The following MYO5C variants were observed in gnomAD, a reference collection of about 807,000 sequenced individuals.
MYO5C encodes the protein unconventional myosin-Vc.
In MYO5C, 194 loss-of-function variants were observed where a neutral mutation model predicts 235.7. The observed-to-expected ratio is 0.82, with a 90% CI of 0.73 to 0.93. The LOEUF (loss-of-function observed/expected upper bound fraction) is 0.93. Ranked by LOEUF, MYO5C falls within the 40% of genes least tolerant of loss-of-function variation. The pLI, the probability that MYO5C is intolerant of heterozygous loss-of-function variation, is 0.00. For missense variants in MYO5C, 2,038 were observed against 2,127.2 expected (o/e 0.96, Z 0.82); for synonymous variants, 707 against 754.8 (o/e 0.94, Z 1.04).
intron 25 of MYO5C, among the ~76,000 whole-genome samples, chr15:52,228,041 T>C (rs1473516607): frequency 6.6e-6 from 1 of 152,244 alleles, no homozygotes; most frequent in Admixed American, 6.5e-5. Flanking sequence ...GCCTTGATTG[T>C]CCAAGCATGG....
chr15:52,250,733 A>C (rs947260496), intron 13 of MYO5C, among the ~76,000 whole-genome samples: 1 of 152,226 alleles, frequency 6.6e-6, no homozygotes, highest in African/African-American at 2.4e-5. Context: ...GGGCTAGGCC[A>C]CCAAGGCAAC....
In MYO5C at chr15:52,219,786, C is replaced by T; in HGVS notation, c.3758G>A (p.Ser1253Asn). ...TCTTTGTGTTCCTTCCTCCTCTTGACTGCGATGTAACTGATTAGACAATTC... is the reference window on the plus strand; with the variant it reads ...TCTTTGTGTTCCTTCCTCCTCTTGATTGCGATGTAACTGATTAGACAATTC... ...LEELSNQLHRSQEEEGTQRKA... is the reference protein window; with the variant it reads ...LEELSNQLHRNQEEEGTQRKA... Residue 1253 changes from serine (S) to asparagine (N), a missense_variant, in exon 31 of 41, where the codon AGT becomes AAT. Physicochemically the swap from Ser to Asn is conservative, Grantham distance 46. Transcript: ENST00000261839. 6.2e-7 allele frequency: 1 copy of T among 1,612,730 alleles called. No homozygotes were observed. The highest frequency in any genetic ancestry group is 8.5e-7 in the Non-Finnish European group (1 of 1,179,126).
chr15:52,259,102 G>A (rs2036638583), intron 10 of MYO5C, among the ~76,000 whole-genome samples: 1 of 152,112 alleles, frequency 6.6e-6, no homozygotes. Context: ...ACAGTGCCTG[G>A]GACATAAACA....
rs750721054 is a variant in MYO5C at position 52,279,686 on chromosome 15, G to A, written c.139-12C>T. 1.9e-6 allele frequency: 3 copies of A among 1,596,852 alleles called. No individual in the cohort carries two copies. Among genetic ancestry groups the A allele is most frequent in the Non-Finnish European group, 2.6e-6 (3 of 1,166,424 alleles). On this transcript the variant is annotated splice_polypyrimidine_tract_variant and intron_variant, in intron 2 of 40. Transcript: ENST00000261839. Reference sequence around the variant, plus strand: ...GAATAATCCAGCTCCTATGGACAAAGATAAAAATTAAAGCTCTGGAAATAA... The same window carrying A: ...GAATAATCCAGCTCCTATGGACAAAAATAAAAATTAAAGCTCTGGAAATAA...
At chr15:52,268,892 A>G (rs1394216371) in intron 8 of MYO5C, among the ~76,000 whole-genome samples, 2 of 152,198 alleles carry the variant, frequency 1.3e-5, no homozygotes, top group Non-Finnish European at 2.9e-5. Flanking sequence ...TCAGTTGCCT[A>G]ATGTTGGGTA....
intron 13 of MYO5C, chr15:52,250,931 G>C (rs1433831462): frequency 6.6e-6 from 1 of 152,062 alleles, no homozygotes; most frequent in African/African-American, 2.4e-5. Flanking sequence ...AAAAGGAGAC[G>C]TATAAAGAAA....
chr15:52,243,189 G>A (rs935866635), intron 19 of MYO5C: 2 of 152,186 alleles, frequency 1.3e-5, no homozygotes, highest in Non-Finnish European at 2.9e-5. Flanking sequence ...TAGGAAACAC[G>A]GGCCTTAAAG....
chr15:52,217,180 G>A (rs1305710849), intron 32 of MYO5C, among the ~76,000 whole-genome samples: 2 of 152,188 alleles, frequency 1.3e-5, no homozygotes, highest in Non-Finnish European at 2.9e-5. Context: ...CTCTTGTTGT[G>A]TGTCCGTCTG....
At chr15:52,209,295 TAAAG>T (rs1264023900) in intron 35 of MYO5C, among the ~76,000 whole-genome samples, 2 of 152,122 alleles carry the variant, frequency 1.3e-5, no homozygotes, top group African/African-American at 2.4e-5. Flanking sequence ...GAATAAAAAG[TAAAG>T]AAACACCACT....
chr15:52,279,744 C>A, intron 2 of MYO5C, 70 bp from the exon 3 acceptor site: 1 of 1,457,696 alleles, frequency 6.9e-7, no homozygotes, highest in Non-Finnish European at 9.3e-7. Context: ...AAGCACTGTC[C>A]TTTGTCCTAT....
chr15:52,217,900 C>T (rs1410749439), intron 32 of MYO5C, among the ~76,000 whole-genome samples: 1 of 152,124 alleles, frequency 6.6e-6, no homozygotes. Flanking sequence ...GGTCCCAGCT[C>T]CTAGGAAAGT....
chr15:52,219,931 ATC>A, intron 30 of MYO5C, 109 bp from the exon 31 acceptor site: 1 of 752,350 alleles, frequency 1.3e-6, no homozygotes, highest in East Asian at 2.7e-5. Flanking sequence ...GGGGTGTCCG[ATC>A]TTTTGGCTTC....
intron 1 of MYO5C, among the ~76,000 whole-genome samples, chr15:52,283,182 G>A (rs942793965): frequency 5.3e-5 from 8 of 152,218 alleles, no homozygotes; most frequent in African/African-American, 1.7e-4. Context: ...AACATCTCAC[G>A]GCTGTCTACA....
chr15:52,225,484 T>C lies in MYO5C; in HGVS notation c.3256A>G (p.Ile1086Val), dbSNP rs1426689513. The change falls in exon 26 of 41, where the codon ATA becomes GTA. Residue 1086 changes from isoleucine (I) to valine (V), a missense_variant. Physicochemically the swap from Ile to Val is conservative, Grantham distance 29. Transcript: ENST00000261839. ...KEIELLQAQK[I>V]DVEKHVQSQK... ...GACTGCACATGTTTCTCCACATCTA[T>C]CTTCTGTGCCTGAAGTAGTTCTATC... The C allele has an allele frequency of 6.2e-7, 1 of 1,613,734 alleles. No homozygotes were observed. Among genetic ancestry groups the C allele is most frequent in the African/African-American group, 1.3e-5 (1 of 74,932 alleles).
Position 52,214,636 on chromosome 15 carries a change from G to A in MYO5C, c.4009C>T (p.Gln1337Ter). The A allele has an allele frequency of 6.2e-7, 1 of 1,608,276 alleles. No individual in the cohort carries two copies. Among genetic ancestry groups the A allele is most frequent in the Non-Finnish European group, 8.5e-7 (1 of 1,177,220 alleles). ...ATTGTCTTGCTTAGTGTCTTGACTTGATCTTGTAGCTTTTTAATCACTCTG... is the reference window on the plus strand; with the variant it reads ...ATTGTCTTGCTTAGTGTCTTGACTTAATCTTGTAGCTTTTTAATCACTCTG... ...KDRVIKKLQD[Q>*]VKTLSKTIGK... is the part of the protein sequence containing the mutation. Residue 1337 changes from glutamine to a stop codon, truncating the protein, a stop_gained, in exon 33 of 41, where the codon CAA becomes TAA. Transcript: ENST00000261839. LOFTEE classifies it high-confidence loss of function.
rs3751628 is a variant in MYO5C at position 52,275,864 on chromosome 15, T to C, written c.450-146A>G. On this transcript the variant is annotated intron_variant, in intron 4 of 40. Transcript: ENST00000261839. ...AAATCTCAATCAATTTCCTTCTAGA[T>C]TTTTTTTTCTATGTGATCGTGCAGA... 2,433 of 784,850 alleles carry C rather than the reference T, an allele frequency of 3.1e-3. 37 individuals are homozygous for C. Among genetic ancestry groups the C allele is most frequent in the East Asian group, 0.029 (1,069 of 36,710 alleles). 48.6% of individuals were successfully genotyped at this position (784,850 alleles called of 1,614,324 possible).
chr15:52,233,366 G>C (rs190502946), intron 23 of MYO5C, among the ~76,000 whole-genome samples: 1 of 152,090 alleles, frequency 6.6e-6, no homozygotes, highest in African/African-American at 2.4e-5. Flanking sequence ...TTTGTGACAA[G>C]GTTTCTCGGT....
Position 52,235,708 on chromosome 15 carries a change from A to G in MYO5C, c.2924T>C (p.Ile975Thr). Residue 975 changes from isoleucine to threonine, a missense_variant, in exon 23 of 41, where the codon ATA becomes ACA. Physicochemically the swap from Ile to Thr is moderately conservative, Grantham distance 89. Transcript: ENST00000261839. ...NSELETQKEQ[I>T]QLKLQEKTEE... ...AGTCTTCTCTTGAAGCTTCAGCTGT[A>G]TTTGTTCTTTCTGTGTTTCCAGTTC... The G allele has an allele frequency of 6.2e-7, 1 of 1,612,824 alleles. No individual in the cohort carries two copies. The highest frequency in any genetic ancestry group is 8.5e-7 in the Non-Finnish European group (1 of 1,179,362).
rs750340410 is a variant in MYO5C at position 52,224,917 on chromosome 15, G to A, written c.3430C>T (p.Leu1144=). ...DGELWFAYEG[L]KKATRVLESH... is the part of the protein sequence containing the mutation. ...ATTTCTAACCGTGTTGCTTTCTTTA[G>A]TCCTTCATAAGCAAACCAAAGTTCT... Residue 1144 remains leucine, a synonymous_variant, in exon 28 of 41, where the codon CTA becomes TTA. Coordinates refer to ENST00000261839, the MANE Select transcript of MYO5C (RefSeq NM_018728.4). 3.1e-6 allele frequency: 5 copies of A among 1,613,572 alleles called. No individual in the cohort carries two copies. The highest frequency in any genetic ancestry group is 4.2e-6 in the Non-Finnish European group (5 of 1,179,774).
Sources: gnomAD v4.1 joint callset for allele counts (sites outside exome capture counted in the v4.1 genomes callset) on GRCh38, gnomAD v4.1.1 for gene constraint, MANE v1.5 for transcripts, NCBI Gene and HGNC (gene_info 2026-07-23, HGNC 2026-07-21) for gene names.